ATP2B2: variants seen among roughly 807,000 people sequenced by gnomAD.
The protein encoded by ATP2B2 is ATPase plasma membrane Ca2+ transporting 2.
ATP2B2 carries 15 observed loss-of-function variants against 120.0 expected under a neutral mutation model. That is an observed-to-expected ratio of 0.12 (90% CI 0.08 to 0.19). The LOEUF is 0.19. ATP2B2 is among the 10% of genes least tolerant of loss of function. The pLI is 1.00. For missense variants in ATP2B2, 1,045 were observed against 1,719.8 expected, an observed-to-expected ratio of 0.61 and a Z score of 6.94; for synonymous variants, 694 against 700.3, an observed-to-expected ratio of 0.99 and a Z score of 0.14.
intron 2 of ATP2B2, among the ~76,000 whole-genome samples, chr3:10,432,226 G>A (rs1054474102): frequency 3.3e-5 from 5 of 152,152 alleles, no homozygotes; most frequent in Non-Finnish European, 7.3e-5. Context: ...TGATAATACC[G>A]GAAGGAGATG....
intron 1 of ATP2B2, among the ~76,000 whole-genome samples, chr3:10,706,421 C>G (rs892602): frequency 0.81 from 123,313 of 152,136 alleles, 50,170 homozygotes; most frequent in South Asian, 0.85. Context: ...ATTGGTTTCT[C>G]CCATGGCAGC....
At chr3:10,656,116 G>A (rs978467446) in intron 1 of ATP2B2, among the ~76,000 whole-genome samples, 5 of 152,198 alleles carry the variant, frequency 3.3e-5, no homozygotes, top group African/African-American at 9.7e-5. Context: ...GAGGCAGTGG[G>A]GATGGCTGGG....
At chr3:10,387,920 A>G (rs886139617) in intron 6 of ATP2B2, 12 of 340,682 alleles carry the variant, frequency 3.5e-5, no homozygotes, top group African/African-American at 1.5e-4. Flanking sequence ...TATGCTTCCA[A>G]TGGGTGGGGA....
At chr3:10,649,347 A>C (rs1230962793) in intron 1 of ATP2B2, among the ~76,000 whole-genome samples, 2 of 152,218 alleles carry the variant, frequency 1.3e-5, no homozygotes, top group African/African-American at 4.8e-5. Context: ...ACAGAAAATT[A>C]TATTGGATAC....
In ATP2B2 at chr3:10,342,002, C is replaced by T. The variant is rs1351049398; in HGVS notation, c.2917+750G>A. On this transcript the variant is annotated intron_variant, in intron 19 of 22. Coordinates refer to ENST00000360273, the MANE Select transcript of ATP2B2 (RefSeq NM_001001331.4). This position sits in a 1 kb window ranked among gnomAD's most constrained non-coding sequence, Gnocchi z 4.4. ...GAGGCTCCTGTAAGGAGAGAACTGG[C>T]CCTGATTCCATGTGGGACTGCGGGC... Among the ~76,000 whole-genome samples, 1 of 152,238 alleles carries T rather than the reference C, an allele frequency of 6.6e-6. No individual in the cohort carries two copies. Among genetic ancestry groups the T allele is most frequent in the Non-Finnish European group, 1.5e-5 (1 of 68,042 alleles).
At chr3:10,488,986 G>C (rs746025525) in intron 1 of ATP2B2, among the ~76,000 whole-genome samples, 4 of 152,156 alleles carry the variant, frequency 2.6e-5, no homozygotes, top group Non-Finnish European at 5.9e-5. Context: ...CAACTTGTCA[G>C]CTCTCTGAAT....
At chr3:10,488,288 T>TCTAC (rs2065787975) in intron 1 of ATP2B2, among the ~76,000 whole-genome samples, 1 of 113,894 alleles carries the variant, frequency 8.8e-6, no homozygotes, top group African/African-American at 3.5e-5. Context: ...CATGCATCCA[T>TCTAC]CCACCCACCC....
chr3:10,698,457 T>C (rs1201882984), intron 1 of ATP2B2, among the ~76,000 whole-genome samples: 2 of 152,186 alleles, frequency 1.3e-5, no homozygotes. Context: ...TTAAGTCAGC[T>C]GAGTCAGGAA....
intron 12 of ATP2B2, among the ~76,000 whole-genome samples, chr3:10,367,070 G>A (rs1175629803): frequency 6.6e-6 from 1 of 152,200 alleles, no homozygotes; most frequent in Non-Finnish European, 1.5e-5. Context: ...GCCTGGGGTG[G>A]TTCTTCTGAG....
At position 10,417,254 on chromosome 3, in the gene ATP2B2, T is replaced by G. The variant is rs145970767; in HGVS notation, c.200-6439A>C. The stretch of plus-strand genomic sequence containing the variant: ...TGGGGCGGCCGGGCAGAGGGACTCC[T>G]CACTTCCCAGAGAGTGTGGGGGCCG... On this transcript the variant is annotated intron_variant, in intron 2 of 22. Coordinates refer to ENST00000360273, the MANE Select transcript of ATP2B2 (RefSeq NM_001001331.4). Among the ~76,000 whole-genome samples the G allele has an allele frequency of 2.8e-3, 417 of 151,074 alleles. 6 individuals carry two copies. The East Asian group carries it at 0.047, about 17-fold the overall frequency.
At chr3:10,431,121 T>C (rs935756016) in intron 2 of ATP2B2, among the ~76,000 whole-genome samples, 2 of 152,144 alleles carry the variant, frequency 1.3e-5, no homozygotes, top group Non-Finnish European at 2.9e-5. Context: ...ATGAGCAAAG[T>C]GATTTCTTGA....
At chr3:10,331,353 T>A (rs1434511179) in intron 22 of ATP2B2, among the ~76,000 whole-genome samples, 5 of 152,226 alleles carry the variant, frequency 3.3e-5, no homozygotes, top group Admixed American at 2.0e-4. Context: ...ATCAAGGCTG[T>A]AGCTGCCTAG....
intron 1 of ATP2B2, among the ~76,000 whole-genome samples, chr3:10,452,873 C>A (rs1182734499): frequency 1.3e-5 from 2 of 152,220 alleles, no homozygotes; most frequent in Admixed American, 1.3e-4. Flanking sequence ...GCTTAAGCAA[C>A]AAGTCTGGAT....
intron 14 of ATP2B2, among the ~76,000 whole-genome samples, chr3:10,354,293 C>T (rs961570366): frequency 6.6e-6 from 1 of 152,136 alleles, no homozygotes; most frequent in Non-Finnish European, 1.5e-5. Flanking sequence ...GAGATGATTA[C>T]GACTCAAACC....
chr3:10,362,859 T>C lies in ATP2B2; in HGVS notation c.1660-2736A>G, dbSNP rs1181284947. On this transcript the variant is annotated intron_variant, in intron 12 of 22. Transcript: ENST00000360273. The stretch of plus-strand genomic sequence containing the variant: ...TGTTATTGTGTGCTATACATATATA[T>C]ACATATACATATATATATATATCTC... Among the ~76,000 whole-genome samples, 10 of 152,204 alleles carry C rather than the reference T, an allele frequency of 6.6e-5. No individual in the cohort carries two copies. In the East Asian group the frequency reaches 1.7e-3, roughly 26 times the overall value.
At chr3:10,690,724 G>T (rs2071643933) in intron 1 of ATP2B2, among the ~76,000 whole-genome samples, 1 of 152,112 alleles carries the variant, frequency 6.6e-6, no homozygotes, top group Non-Finnish European at 1.5e-5. Context: ...AGAAAAGAAG[G>T]GCAGCAAAAT....
intron 1 of ATP2B2, among the ~76,000 whole-genome samples, chr3:10,494,444 G>A (rs1328553634): frequency 6.6e-6 from 1 of 152,154 alleles, no homozygotes; most frequent in Non-Finnish European, 1.5e-5. Context: ...AAGTGTTGGG[G>A]AATCATGCCC....
Position 10,392,243 on chromosome 3 carries a change from G to T in ATP2B2, c.782-3841C>A, listed in dbSNP as rs530034295. On this transcript the variant is annotated intron_variant, in intron 5 of 22. Transcript: ENST00000360273. ...TGTACTATTTTGAACTTTCCAGGGT[G>T]GGTATGTATTACATTTATAATTGGG... Among the ~76,000 whole-genome samples the T allele has an allele frequency of 4.1e-4, 62 of 152,200 alleles. 2 individuals carry two copies. The South Asian group carries it at 0.013, about 32-fold the overall frequency.
At position 10,355,906 on chromosome 3, in the gene ATP2B2, TACTAAAAAAATACAAAAAATTAGCC is replaced by T. The variant is rs1457263450; in HGVS notation, c.2136+2760_2136+2784del. On this transcript the variant is annotated intron_variant, in intron 14 of 22. Coordinates refer to ENST00000360273, the MANE Select transcript of ATP2B2 (RefSeq NM_001001331.4). ...GGCTAACACGGTGAAACCCCGTCTC[TACTAAAAAAATACAAAAAATTAGCC>T]GGGCGTGGTAGCGGGCGCCTGTAGT... Among the ~76,000 whole-genome samples, 89 of 77,072 alleles carry T rather than the reference TACTAAAAAAATACAAAAAATTAGCC, an allele frequency of 1.2e-3. 28 individuals are homozygous for T. The East Asian group carries it at 0.14, about 121-fold the overall frequency. The allele number at this position is 77,072 out of a possible 152,430, so 50.6% of individuals were successfully genotyped here. A position where few individuals can be genotyped will look rare whatever the true frequency, so the allele number is the denominator to read the frequency against.
Sources: allele counts gnomAD v4.1 joint callset (sites outside exome capture counted in the v4.1 genomes callset), GRCh38; gene constraint gnomAD v4.1.1; non-coding constraint Gnocchi (gnomAD v3.1); transcripts MANE v1.5; gene names NCBI Gene and HGNC (gene_info 2026-07-23, HGNC 2026-07-21).